The following SHISAL1 variants were observed in gnomAD, a reference collection of about 807,000 sequenced individuals.
SHISAL1 encodes the protein protein shisa-like-1.
SHISAL1 carries 9 observed loss-of-function variants against 22.6 expected under a neutral mutation model. The observed-to-expected ratio is 0.40, with a 90% confidence interval of 0.24 to 0.70. The LOEUF is 0.70. Ranked by LOEUF, SHISAL1 falls within the 30% of genes least tolerant of loss-of-function variation. The pLI is 0.39. For missense variants in SHISAL1, 246 were observed against 270.6 expected (o/e 0.91, Z 0.64); for synonymous variants, 119 against 115.4 (o/e 1.03, Z -0.20).
chr22:44,265,643 G>A (rs142444082), intron 4 of SHISAL1, among the ~76,000 whole-genome samples: 3 of 152,120 alleles, frequency 2.0e-5, no homozygotes, highest in East Asian at 3.9e-4. Flanking sequence ...TGACTTGTGG[G>A]GTAACTTGTT....
intron 1 of SHISAL1, among the ~76,000 whole-genome samples, chr22:44,305,100 T>C (rs2055461137): frequency 6.6e-6 from 1 of 152,220 alleles, no homozygotes. Flanking sequence ...GCTGCTTCAG[T>C]ACTACCTCCT....
chr22:44,320,200 T>C, the SHISAL1 span, among the ~76,000 whole-genome samples: 1 of 152,092 alleles, frequency 6.6e-6, no homozygotes, highest in Non-Finnish European at 1.5e-5. Flanking sequence ...TGTCTGGCAG[T>C]GTGGGAGAGA....
chr22:44,313,738 G>A (rs564471306), upstream of SHISAL1, among the ~76,000 whole-genome samples: 14 of 152,314 alleles, frequency 9.2e-5, 1 homozygote, highest in South Asian at 8.3e-4. Flanking sequence ...CCTTGGCGGC[G>A]CCCTTGGCTG....
chr22:44,304,039 G>C (rs2147305730), intron 1 of SHISAL1, among the ~76,000 whole-genome samples: 1 of 152,326 alleles, frequency 6.6e-6, no homozygotes, highest in Admixed American at 6.5e-5. Context: ...GAAGATGATG[G>C]GCAGTCCAAA....
At chr22:44,257,444 C>T (rs1265917569) in intron 4 of SHISAL1, among the ~76,000 whole-genome samples, 2 of 152,168 alleles carry the variant, frequency 1.3e-5, no homozygotes, top group East Asian at 1.9e-4. Flanking sequence ...CATTGAGATT[C>T]GAAATTCATG....
chr22:44,306,895 T>C (rs1024711918), intron 1 of SHISAL1, among the ~76,000 whole-genome samples: 2 of 146,994 alleles, frequency 1.4e-5, no homozygotes, highest in African/African-American at 5.1e-5. Context: ...GGAGGTGTGA[T>C]GATGATGGCG....
At chr22:44,293,601 T>C (rs983158725) in intron 3 of SHISAL1, among the ~76,000 whole-genome samples, 2 of 152,162 alleles carry the variant, frequency 1.3e-5, no homozygotes, top group African/African-American at 4.8e-5. Flanking sequence ...AGCTCCAGAA[T>C]GACTAAAGTG....
At position 44,248,117 on chromosome 22, in the gene SHISAL1, G is replaced by A. The variant is rs1379122026; in HGVS notation, c.*1568C>T. 1 of 150,240 alleles carries A rather than the reference G, an allele frequency of 6.7e-6. No individual in the cohort carries two copies. Among genetic ancestry groups the A allele is most frequent in the Non-Finnish European group, 1.5e-5 (1 of 67,946 alleles). The allele number at this position is 150,240 out of a possible 1,614,324, so 9.3% of individuals were successfully genotyped here. ...CACGTGTCCCTCGAACTGAGTTCCTGGCACTGAGTTCCCGGCAGAGCACTC... is the reference window on the plus strand; with the variant it reads ...CACGTGTCCCTCGAACTGAGTTCCTAGCACTGAGTTCCCGGCAGAGCACTC... On this transcript the variant is annotated 3_prime_UTR_variant, in exon 5 of 5. Coordinates refer to ENST00000381176, the MANE Select transcript of SHISAL1 (RefSeq NM_001099294.2).
At chr22:44,253,642 A>G (rs1445188555) in intron 4 of SHISAL1, among the ~76,000 whole-genome samples, 1 of 148,726 alleles carries the variant, frequency 6.7e-6, no homozygotes, top group East Asian at 2.0e-4. Flanking sequence ...AGATTTCACC[A>G]TGTTGGCCAG....
intron 1 of SHISAL1, among the ~76,000 whole-genome samples, chr22:44,302,580 C>T (rs564682571): frequency 1.6e-4 from 24 of 152,278 alleles, no homozygotes; most frequent in African/African-American, 5.5e-4. Flanking sequence ...GGCCACGTGG[C>T]TGTCTGGAAG....
upstream of SHISAL1, among the ~76,000 whole-genome samples, chr22:44,314,752 G>A (rs773811269): frequency 2.0e-5 from 3 of 152,018 alleles, no homozygotes; most frequent in East Asian, 1.9e-4. Context: ...TCACAGCGGC[G>A]CTATGGAAAA....
intron 1 of SHISAL1, among the ~76,000 whole-genome samples, chr22:44,308,459 T>G (rs73432573): frequency 0.027 from 4,175 of 152,328 alleles, 181 homozygotes; most frequent in African/African-American, 0.093. Context: ...GTGGTGCCTC[T>G]GGGCCTTTAC....
rs557100812 is a variant in SHISAL1 at position 44,305,800 on chromosome 22, G to A, written c.-32-4823C>T. On this transcript the variant is annotated intron_variant, in intron 1 of 4. Transcript: ENST00000381176. ...CGAGTCTGGCCTGAGATAGGTCACC[G>A]TGCGATCAAAGCCGCAGCCCTGTAT... 6.4e-4 allele frequency among the ~76,000 whole-genome samples: 98 copies of A among 152,254 alleles called. No homozygotes were observed. In the Middle Eastern group the frequency reaches 0.01, roughly 16 times the overall value.
intron 1 of SHISAL1, among the ~76,000 whole-genome samples, chr22:44,308,277 T>C (rs553827904): frequency 2.6e-5 from 4 of 152,348 alleles, no homozygotes; most frequent in African/African-American, 9.6e-5. Context: ...ACTCTGCCTC[T>C]TCCATCAACC....
At position 44,249,445 on chromosome 22, in the gene SHISAL1, A is replaced by G. The variant is rs2055030535; in HGVS notation, c.*240T>C. On this transcript the variant is annotated 3_prime_UTR_variant, in exon 5 of 5. Transcript: ENST00000381176. ...GAAGCCACCAGCCCAAAATAGGACT[A>G]TTGCTTGCGGACAGGTGGCTCAGAA... The G allele has an allele frequency of 2.1e-6, 1 of 487,350 alleles. No homozygotes were observed. Among genetic ancestry groups the G allele is most frequent in the Admixed American group, 3.6e-5 (1 of 27,444 alleles). The allele number at this position is 487,350 out of a possible 1,614,324, so 30.2% of individuals were successfully genotyped here.
Position 44,285,404 on chromosome 22 carries a change from T to C in SHISAL1, c.599+24A>G, listed in dbSNP as rs367619079. ...CCAAAGACAATGACCCAAATCATTCTGGGTCTCAATTGTAGCCACTCACCA... is the reference window on the plus strand; with the variant it reads ...CCAAAGACAATGACCCAAATCATTCCGGGTCTCAATTGTAGCCACTCACCA... On this transcript the variant is annotated intron_variant, in intron 4 of 4. Transcript: ENST00000381176. 1,009 of 1,611,760 alleles carry C rather than the reference T, an allele frequency of 6.3e-4. 14 individuals are homozygous for C. In the South Asian group the frequency reaches 0.01, roughly 16 times the overall value.
intron 4 of SHISAL1, among the ~76,000 whole-genome samples, chr22:44,257,209 G>A (rs1032840096): frequency 1.3e-5 from 2 of 152,180 alleles, no homozygotes; most frequent in African/African-American, 2.4e-5. Context: ...CTCACGTAAC[G>A]ATTATCCTAC....
intron 4 of SHISAL1, among the ~76,000 whole-genome samples, chr22:44,258,643 A>G (rs1181306242): frequency 3.9e-5 from 6 of 152,218 alleles, no homozygotes; most frequent in Non-Finnish European, 5.9e-5. Flanking sequence ...TGCAAAGAAC[A>G]TGATCTTGTT....
the SHISAL1 span, among the ~76,000 whole-genome samples, chr22:44,328,447 C>T: frequency 6.6e-6 from 1 of 152,132 alleles, no homozygotes; most frequent in Non-Finnish European, 1.5e-5. Context: ...GCTGTCACTG[C>T]CAAGTGCAAC....
Sources: allele counts gnomAD v4.1 joint callset (sites outside exome capture counted in the v4.1 genomes callset), GRCh38; gene constraint gnomAD v4.1.1; transcripts MANE v1.5; gene names NCBI Gene and HGNC (gene_info 2026-07-23, HGNC 2026-07-21).